LSAMP: variants seen among roughly 807,000 people sequenced by gnomAD.
LSAMP encodes the protein limbic system associated membrane protein, also known as limbic system-associated membrane protein.
Under a neutral mutation model 38.6 loss-of-function variants are expected in LSAMP, and 7 were observed. That is an observed-to-expected ratio of 0.18 (90% CI 0.10 to 0.34). The LOEUF (loss-of-function observed/expected upper bound fraction) is 0.34. Ranked by LOEUF, LSAMP falls within the 10% of genes least tolerant of loss-of-function variation. LSAMP has a pLI of 1.00. For missense variants in LSAMP, 313 were observed against 420.0 expected (o/e 0.75, Z 2.23); for synonymous variants, 154 against 166.8 (o/e 0.92, Z 0.59).
chr3:116,398,103 G>C (rs1321326677), intron 1 of LSAMP, among the ~76,000 whole-genome samples: 1 of 151,854 alleles, frequency 6.6e-6, no homozygotes, highest in Non-Finnish European at 1.5e-5. Context: ...CCATCCCAAA[G>C]TTTACTCTCT....
chr3:115,934,265 G>A (rs573781077), intron 3 of LSAMP, among the ~76,000 whole-genome samples: 10 of 150,880 alleles, frequency 6.6e-5, no homozygotes, highest in Non-Finnish European at 1.2e-4. Context: ...TGCAACCTCC[G>A]CCTCCCTAGT....
intron 1 of LSAMP, among the ~76,000 whole-genome samples, chr3:116,399,743 T>A (rs2048813878): frequency 6.6e-6 from 1 of 152,200 alleles, no homozygotes; most frequent in Non-Finnish European, 1.5e-5. Flanking sequence ...CAAGTTTATA[T>A]CCCATTGAGC....
chr3:115,881,761 A>C (rs1419942431), intron 3 of LSAMP, among the ~76,000 whole-genome samples: 2 of 152,190 alleles, frequency 1.3e-5, no homozygotes, highest in Non-Finnish European at 2.9e-5. Flanking sequence ...AATTTGTTTT[A>C]GAGTCAGATT....
At chr3:115,810,467 G>T in intron 6 of LSAMP, 53 bp from the exon 7 acceptor site, 1 of 1,196,130 alleles carries the variant, frequency 8.4e-7, no homozygotes, top group Non-Finnish European at 1.2e-6. Context: ...TGGGCCCACT[G>T]TATGTTATAG....
chr3:116,216,412 C>T (rs569853839), intron 1 of LSAMP, among the ~76,000 whole-genome samples: 46 of 152,196 alleles, frequency 3.0e-4, no homozygotes, highest in African/African-American at 1.1e-3. Context: ...TGTCCTTGTT[C>T]TGAGCAGTGT....
chr3:116,393,183 C>A (rs1208525315), intron 1 of LSAMP, among the ~76,000 whole-genome samples: 3 of 152,146 alleles, frequency 2.0e-5, no homozygotes, highest in Non-Finnish European at 2.9e-5. Flanking sequence ...TTGCCCATGA[C>A]ACTGTGGGCA....
chr3:116,289,699 A>G (rs192682123), intron 1 of LSAMP, among the ~76,000 whole-genome samples: 6 of 152,174 alleles, frequency 3.9e-5, no homozygotes, highest in Admixed American at 6.5e-5. Context: ...TTCAATAGTC[A>G]CTTTGTGGCA....
At chr3:116,146,544 G>A (rs758257348) in intron 1 of LSAMP, among the ~76,000 whole-genome samples, 4 of 151,792 alleles carry the variant, frequency 2.6e-5, no homozygotes, top group Non-Finnish European at 5.9e-5. Flanking sequence ...TTTGAGAGCA[G>A]AGAAAAAAAA....
intron 1 of LSAMP, among the ~76,000 whole-genome samples, chr3:116,304,232 T>A (rs2047452562): frequency 6.6e-6 from 1 of 152,122 alleles, no homozygotes; most frequent in Non-Finnish European, 1.5e-5. Context: ...TGAAAAAGAT[T>A]TAATCCAATA....
intron 1 of LSAMP, among the ~76,000 whole-genome samples, chr3:116,153,886 A>T (rs1709680652): frequency 6.6e-6 from 1 of 152,048 alleles, no homozygotes; most frequent in Non-Finnish European, 1.5e-5. Flanking sequence ...AAATTATTGT[A>T]AAAAATATTG....
intron 3 of LSAMP, among the ~76,000 whole-genome samples, chr3:115,859,132 A>G (rs1165245885): frequency 2.0e-5 from 3 of 152,170 alleles, no homozygotes; most frequent in Admixed American, 6.5e-5. Flanking sequence ...TCTCCGCTTC[A>G]CATTCCACCT....
At chr3:116,172,492 A>C (rs759392597) in intron 1 of LSAMP, among the ~76,000 whole-genome samples, 6 of 152,052 alleles carry the variant, frequency 3.9e-5, no homozygotes, top group Non-Finnish European at 7.4e-5. Flanking sequence ...CCCAACAACT[A>C]ATATTTTTTG....
At chr3:116,409,916 C>T (rs533310757) in intron 1 of LSAMP, among the ~76,000 whole-genome samples, 5 of 152,134 alleles carry the variant, frequency 3.3e-5, no homozygotes, top group African/African-American at 9.6e-5. Flanking sequence ...GCCAGCTCTC[C>T]CACTACGTGT....
intron 1 of LSAMP, among the ~76,000 whole-genome samples, chr3:116,333,800 T>TA (rs1310574061): frequency 1.3e-5 from 2 of 151,098 alleles, no homozygotes; most frequent in Admixed American, 1.3e-4. Flanking sequence ...CACTTAAATT[T>TA]AAAAAATTAA....
chr3:115,842,032 G>T, intron 5 of LSAMP, 39 bp from the exon 6 acceptor site: 1 of 1,575,306 alleles, frequency 6.3e-7, no homozygotes, highest in Non-Finnish European at 8.6e-7. Context: ...AGGATCACTG[G>T]TGAAGATTTT....
intron 1 of LSAMP, among the ~76,000 whole-genome samples, chr3:116,094,388 A>C (rs1920362): frequency 6.6e-6 from 1 of 152,294 alleles, no homozygotes; most frequent in Admixed American, 6.5e-5. Flanking sequence ...GCTCTTGTGC[A>C]TGTCTGTTCT....
chr3:115,973,569 C>T (rs1260582026), intron 3 of LSAMP, among the ~76,000 whole-genome samples: 1 of 151,942 alleles, frequency 6.6e-6, no homozygotes, highest in Non-Finnish European at 1.5e-5. Context: ...GCCGTCTCTA[C>T]TAAAAATATA....
At chr3:116,308,890 T>C (rs917846419) in intron 1 of LSAMP, among the ~76,000 whole-genome samples, 1 of 152,094 alleles carries the variant, frequency 6.6e-6, no homozygotes, top group Non-Finnish European at 1.5e-5. Context: ...TTAGTTCTTT[T>C]GCTGGTAAAG....
rs1933569571 is a variant in LSAMP, at chr3:115,803,740, C to A, written c.*6577G>T. 6.6e-6 allele frequency: 1 copy of A among 152,120 alleles called. No individual in the cohort carries two copies. Among genetic ancestry groups the A allele is most frequent in the African/African-American group, 2.4e-5 (1 of 41,398 alleles). The allele number at this position is 152,120 out of a possible 1,614,324, so 9.4% of individuals were successfully genotyped here. A position where few individuals can be genotyped will look rare whatever the true frequency, so the allele number is the denominator to read the frequency against. On this transcript the variant is annotated 3_prime_UTR_variant, in exon 7 of 7. Coordinates refer to ENST00000490035, the MANE Select transcript of LSAMP (RefSeq NM_002338.5). ...AATTCAAGCTTTGGGAAACTTATCCCATGAGAAATTCCTTCCAAAACAAAA... is the reference window on the plus strand; with the variant it reads ...AATTCAAGCTTTGGGAAACTTATCCAATGAGAAATTCCTTCCAAAACAAAA...
Sources: gnomAD v4.1 joint callset for allele counts (sites outside exome capture counted in the v4.1 genomes callset) on GRCh38, gnomAD v4.1.1 for gene constraint, MANE v1.5 for transcripts, NCBI Gene and HGNC (gene_info 2026-07-23, HGNC 2026-07-21) for gene names.